The following KCNMA1 variants were observed in gnomAD, a reference collection of about 807,000 sequenced individuals.
KCNMA1 encodes the protein potassium calcium-activated channel subfamily M alpha 1.
In KCNMA1, 29 loss-of-function variants were observed where a neutral mutation model predicts 140.0. The observed-to-expected ratio is 0.21, with a 90% confidence interval of 0.15 to 0.28. The LOEUF (loss-of-function observed/expected upper bound fraction) is 0.28, where lower values mean the gene tolerates loss of function less well. KCNMA1 is among the 10% of genes least tolerant of loss of function. The pLI is 1.00. For synonymous variants in KCNMA1, 612 were observed against 611.9 expected, an observed-to-expected ratio of 1.00 and a Z score of 0.00; for missense variants, 880 against 1,602.2, an observed-to-expected ratio of 0.55 and a Z score of 7.70.
intron 1 of KCNMA1, among the ~76,000 whole-genome samples, chr10:77,618,930 T>C (rs2090471651): frequency 6.6e-6 from 1 of 152,104 alleles, no homozygotes; most frequent in Non-Finnish European, 1.5e-5. Context: ...AGTCCGGCAG[T>C]GTGAACAGCA....
At chr10:77,425,033 T>C (rs566959417) in intron 1 of KCNMA1, among the ~76,000 whole-genome samples, 1 of 151,972 alleles carries the variant, frequency 6.6e-6, no homozygotes, top group South Asian at 2.1e-4. Context: ...CTGGGAGGTA[T>C]GTGCTGAATA....
At chr10:77,553,402 G>A (rs967739467) in intron 1 of KCNMA1, among the ~76,000 whole-genome samples, 2 of 152,110 alleles carry the variant, frequency 1.3e-5, no homozygotes, top group African/African-American at 4.8e-5. Flanking sequence ...AGCTGAGAAG[G>A]CAGGAACCAG....
chr10:77,251,145 C>T (rs775892182), intron 3 of KCNMA1, 50 bp downstream of exon 3: 5 of 1,388,874 alleles, frequency 3.6e-6, no homozygotes, highest in Non-Finnish European at 5.1e-6. Context: ...AATGTAAAGG[C>T]TCATGATTGT....
intron 19 of KCNMA1, chr10:76,974,243 C>T (rs76412766): frequency 1.8e-4 from 87 of 472,306 alleles, no homozygotes; most frequent in African/African-American, 1.5e-3. Context: ...AGGCATCTAG[C>T]TAACAGGGCT....
chr10:77,110,839 T>C (rs2097303139), intron 7 of KCNMA1, among the ~76,000 whole-genome samples: 1 of 152,180 alleles, frequency 6.6e-6, no homozygotes, highest in Non-Finnish European at 1.5e-5. Flanking sequence ...AGAGTATATA[T>C]GGGCCCTGCT....
At chr10:77,190,291 T>C (rs1272634570) in intron 3 of KCNMA1, among the ~76,000 whole-genome samples, 3 of 152,208 alleles carry the variant, frequency 2.0e-5, no homozygotes, top group East Asian at 1.9e-4. Flanking sequence ...CTGACAATTG[T>C]ATAAAATTTA....
chr10:77,572,406 C>T lies in KCNMA1; in HGVS notation c.378+64859G>A, dbSNP rs2071750588. ...GGCCAACCTTCTGATAACCAGTCTA[C>T]TGTACTTTCTCACATCTGTCACTAC... On this transcript the variant is annotated intron_variant, in intron 1 of 27. Transcript: ENST00000286628. 2.0e-5 allele frequency among the ~76,000 whole-genome samples: 3 copies of T among 151,012 alleles called. No individual in the cohort carries two copies. In the South Asian group the frequency reaches 6.3e-4, roughly 32 times the overall value.
At chr10:77,472,937 G>A (rs916773069) in intron 1 of KCNMA1, among the ~76,000 whole-genome samples, 6 of 152,176 alleles carry the variant, frequency 3.9e-5, no homozygotes, top group African/African-American at 9.7e-5. Context: ...TGGTGGGCTC[G>A]TACTAGGATT....
intron 1 of KCNMA1, among the ~76,000 whole-genome samples, chr10:77,479,103 G>T (rs1038470280): frequency 6.6e-6 from 1 of 152,174 alleles, no homozygotes; most frequent in African/African-American, 2.4e-5. Flanking sequence ...GCACTCTGCT[G>T]TTTTTTGCAG....
intron 1 of KCNMA1, among the ~76,000 whole-genome samples, chr10:77,421,207 T>A (rs1566739821): frequency 6.6e-6 from 1 of 152,202 alleles, no homozygotes; most frequent in Non-Finnish European, 1.5e-5. Context: ...TGTCCTAGGT[T>A]TCCTTTTCCT....
intron 14 of KCNMA1, among the ~76,000 whole-genome samples, chr10:77,061,324 C>T (rs2095742249): frequency 6.6e-6 from 1 of 151,848 alleles, no homozygotes; most frequent in Admixed American, 6.5e-5. Context: ...CAGTAAAAAA[C>T]AAATTCAAAG....
chr10:77,589,549 G>C (rs1172792211), intron 1 of KCNMA1, among the ~76,000 whole-genome samples: 1 of 152,160 alleles, frequency 6.6e-6, no homozygotes, highest in East Asian at 1.9e-4. Flanking sequence ...CACGCACAAA[G>C]TGTGTGTACA....
At chr10:77,598,796 G>A (rs905828430) in intron 1 of KCNMA1, among the ~76,000 whole-genome samples, 4 of 152,202 alleles carry the variant, frequency 2.6e-5, no homozygotes, top group African/African-American at 9.7e-5. Context: ...GGGAAGGTCA[G>A]GCTGTGGCTC....
chr10:77,585,298 G>A (rs1013273062), intron 1 of KCNMA1, among the ~76,000 whole-genome samples: 8 of 152,170 alleles, frequency 5.3e-5, no homozygotes, highest in African/African-American at 1.4e-4. Context: ...GAAGCAAGTC[G>A]CTTAACTTAA....
At chr10:76,974,711 T>C (rs1355540314) in intron 19 of KCNMA1, 2 of 641,682 alleles carry the variant, frequency 3.1e-6, no homozygotes, top group Non-Finnish European at 5.4e-6. Flanking sequence ...ATTGCCATTT[T>C]TTTCCCTTTC....
intron 2 of KCNMA1, among the ~76,000 whole-genome samples, chr10:77,266,592 C>G (rs2154275069): frequency 6.6e-6 from 1 of 152,282 alleles, no homozygotes; most frequent in East Asian, 1.9e-4. Flanking sequence ...CTTGTTGTTT[C>G]TTTTCTTTTC....
chr10:77,202,652 G>C (rs142678036), intron 3 of KCNMA1, among the ~76,000 whole-genome samples: 4 of 152,302 alleles, frequency 2.6e-5, no homozygotes, highest in South Asian at 4.1e-4. Context: ...AACTGAAAAG[G>C]CTTCAAGAAT....
chr10:77,379,797 C>T (rs61867280), intron 2 of KCNMA1, among the ~76,000 whole-genome samples: 31,839 of 151,972 alleles, frequency 0.21, 4,189 homozygotes, highest in Non-Finnish European at 0.3. Flanking sequence ...GCTCCCCATC[C>T]CTGCCCCATA....
At position 76,886,944 on chromosome 10, in the gene KCNMA1, C is replaced by T. The variant is rs546238214; in HGVS notation, c.*322G>A. 10 of 1,198,758 alleles carry T rather than the reference C, an allele frequency of 8.3e-6. No homozygotes were observed. The highest frequency in any genetic ancestry group is 3.6e-4 in the Middle Eastern group (1 of 2,758). 74.3% of individuals were successfully genotyped at this position (1,198,758 alleles called of 1,614,324 possible). A position where few individuals can be genotyped will look rare whatever the true frequency, so the allele number is the denominator to read the frequency against. On this transcript the variant is annotated 3_prime_UTR_variant, in exon 28 of 28. Transcript: ENST00000286628. The stretch of plus-strand genomic sequence containing the variant: ...AAATAAACTTGCTCTGCCTAACTGA[C>T]GTTGATCACAAGTGCTCCCTTCTAA...
Sources: gnomAD v4.1 joint callset for allele counts (sites outside exome capture counted in the v4.1 genomes callset) on GRCh38, gnomAD v4.1.1 for gene constraint, MANE v1.5 for transcripts, NCBI Gene and HGNC (gene_info 2026-07-23, HGNC 2026-07-21) for gene names.